The following ATOH8 variants were observed in gnomAD, a reference collection of about 807,000 sequenced individuals.
The protein encoded by ATOH8 is atonal bHLH transcription factor 8.
ATOH8 carries 9 observed loss-of-function variants against 21.2 expected under a neutral mutation model. The observed-to-expected ratio is 0.42, with a 90% CI of 0.26 to 0.74. The LOEUF is 0.74. Among genes scored for constraint, ATOH8 ranks in the 30% least tolerant of loss-of-function variants. ATOH8 has a pLI of 0.24. For missense variants in ATOH8, 524 were observed against 470.9 expected (o/e 1.11, Z -1.04); for synonymous variants, 253 against 224.0 (o/e 1.13, Z -1.16).
At chr2:85,774,339 C>CT in intron 2 of ATOH8, 1 of 985,562 alleles carries the variant, frequency 1.0e-6, no homozygotes, top group Non-Finnish European at 1.2e-6. Flanking sequence ...AGCCCTGCAC[C>CT]TGGCACAGTG....
chr2:85,777,724 G>A (rs35062866), intron 2 of ATOH8, among the ~76,000 whole-genome samples: 1 of 152,322 alleles, frequency 6.6e-6, no homozygotes, highest in Non-Finnish European at 1.5e-5. Context: ...TGTTCTCCTA[G>A]GATGGCGGAG....
chr2:85,774,884 C>T (rs4832013), intron 2 of ATOH8: 444,579 of 910,572 alleles, frequency 0.49, 110,771 homozygotes, highest in Non-Finnish European at 0.5. Context: ...CCACTGTCTG[C>T]CTGGCTAACT....
chr2:85,769,793 C>T (rs1429310747), intron 2 of ATOH8, among the ~76,000 whole-genome samples: 1 of 152,122 alleles, frequency 6.6e-6, no homozygotes, highest in East Asian at 1.9e-4. Flanking sequence ...GGCGGAGTCT[C>T]CAGAGCCGCA....
chr2:85,786,819 CA>C (rs1680632977), intron 2 of ATOH8, 65 bp from the exon 3 acceptor site: 1 of 1,609,188 alleles, frequency 6.2e-7, no homozygotes, highest in Non-Finnish European at 8.5e-7. Flanking sequence ...GGACATTCTG[CA>C]GCTGTCCAGA....
At chr2:85,782,820 C>T (rs1680530712) in intron 2 of ATOH8, among the ~76,000 whole-genome samples, 1 of 152,210 alleles carries the variant, frequency 6.6e-6, no homozygotes, top group Non-Finnish European at 1.5e-5. Flanking sequence ...CTCAGCCTCT[C>T]AAGTAGCTGG....
chr2:85,779,917 G>C (rs1364268328), intron 2 of ATOH8, among the ~76,000 whole-genome samples: 5 of 152,252 alleles, frequency 3.3e-5, no homozygotes, highest in Admixed American at 6.5e-5. Context: ...GGGTGCTCGT[G>C]GTGGAGGTGT....
At chr2:85,774,927 A>T in intron 2 of ATOH8, 3 of 959,422 alleles carry the variant, frequency 3.1e-6, no homozygotes, top group Non-Finnish European at 3.7e-6. Context: ...GCTCCTCCTG[A>T]AAGCCCTCCC....
At position 85,754,663 on chromosome 2, in the gene ATOH8, A is replaced by C. The variant is rs752510499; in HGVS notation, c.474A>C (p.Ala158=). Residue 158 remains alanine, a synonymous_variant, in exon 1 of 3, where the codon GCA becomes GCC. Transcript: ENST00000306279. ...TGCGTCCTCGCATCTTGCTGTGCGCACCGCCCGCGCGCCCCGCGCCGTCAG... is the reference window on the plus strand; with the variant it reads ...TGCGTCCTCGCATCTTGCTGTGCGCCCCGCCCGCGCGCCCCGCGCCGTCAG... The part of the protein sequence containing the change: ...PGLRPRILLC[A]PPARPAPSAP... 2.8e-5 allele frequency: 43 copies of C among 1,539,700 alleles called. No individual in the cohort carries two copies. In the South Asian group the frequency reaches 5.1e-4, roughly 18 times the overall value.
chr2:85,774,694 A>G lies in ATOH8; in HGVS notation c.960+10512A>G, dbSNP rs1023006447. 4.5e-5 allele frequency: 44 copies of G among 985,246 alleles called. No homozygotes were observed. The African/African-American group carries it at 7.0e-4, about 16-fold the overall frequency. 61.0% of individuals were successfully genotyped at this position (985,246 alleles called of 1,614,324 possible). A position where few individuals can be genotyped will look rare whatever the true frequency, so the allele number is the denominator to read the frequency against. On this transcript the variant is annotated intron_variant, in intron 2 of 2. Coordinates refer to ENST00000306279, the MANE Select transcript of ATOH8 (RefSeq NM_032827.7). ...TCCCCTAAGGCCTAGGGGGCTCCCTACAGGCCAAGGGATGAGGCCAGACTC... is the reference window on the plus strand; with the variant it reads ...TCCCCTAAGGCCTAGGGGGCTCCCTGCAGGCCAAGGGATGAGGCCAGACTC...
intron 1 of ATOH8, 52 bp from the exon 2 acceptor site, chr2:85,763,939 C>A: frequency 1.3e-6 from 2 of 1,569,180 alleles, no homozygotes; most frequent in Non-Finnish European, 1.7e-6. Context: ...CCCATGCCTG[C>A]CAGGCTGGGC....
chr2:85,775,215 T>G (rs1432206971), intron 2 of ATOH8: 1 of 985,110 alleles, frequency 1.0e-6, no homozygotes, highest in Non-Finnish European at 1.2e-6. Context: ...CTGGCTAGAC[T>G]GTGAGCCCCT....
intron 1 of ATOH8, among the ~76,000 whole-genome samples, chr2:85,758,154 G>A (rs1279760935): frequency 1.3e-5 from 2 of 152,224 alleles, no homozygotes; most frequent in Non-Finnish European, 2.9e-5. Flanking sequence ...GACAGATGAA[G>A]CAATAAGAAT....
At chr2:85,779,137 G>A (rs572836845) in intron 2 of ATOH8, among the ~76,000 whole-genome samples, 4 of 152,356 alleles carry the variant, frequency 2.6e-5, no homozygotes, top group South Asian at 2.1e-4. Context: ...TCTGCAGTGC[G>A]GCCATGGGCC....
intron 2 of ATOH8, chr2:85,775,078 T>C: frequency 3.1e-6 from 3 of 959,804 alleles, no homozygotes; most frequent in Non-Finnish European, 3.7e-6. Context: ...TGTGATATAT[T>C]AGATTTCATG....
chr2:85,790,180 T>A lies in ATOH8; in HGVS notation c.*3290T>A, dbSNP rs1680731653. On this transcript the variant is annotated 3_prime_UTR_variant, in exon 3 of 3. Transcript: ENST00000306279. ...TTGTGGTCACAGAGTCACCTGTGGA[T>A]GTTTGTAGCACACTCTCCTTGTCTT... Among the ~76,000 whole-genome samples, 1 of 152,170 alleles carries A rather than the reference T, an allele frequency of 6.6e-6. No individual in the cohort carries two copies. Among genetic ancestry groups the A allele is most frequent in the South Asian group, 2.1e-4 (1 of 4,826 alleles).
chr2:85,769,782 A>C (rs1395893355), intron 2 of ATOH8, among the ~76,000 whole-genome samples: 1 of 152,000 alleles, frequency 6.6e-6, no homozygotes, highest in Non-Finnish European at 1.5e-5. Flanking sequence ...GGACTGTGGG[A>C]GGCGGAGTCT....
chr2:85,764,222 T>C (rs1313276668), intron 2 of ATOH8, 40 bp downstream of exon 2: 2 of 1,607,344 alleles, frequency 1.2e-6, no homozygotes, highest in Non-Finnish European at 1.7e-6. Flanking sequence ...CTGGGGAGCA[T>C]AGGGGAGGCA....
At chr2:85,782,542 G>C (rs1680524124) in intron 2 of ATOH8, among the ~76,000 whole-genome samples, 1 of 152,086 alleles carries the variant, frequency 6.6e-6, no homozygotes, top group Non-Finnish European at 1.5e-5. Context: ...CAACTTCCCT[G>C]AAAGTATAGA....
intron 2 of ATOH8, among the ~76,000 whole-genome samples, chr2:85,776,848 G>A (rs35976024): frequency 0.32 from 47,952 of 151,898 alleles, 7,882 homozygotes; most frequent in South Asian, 0.4. Context: ...CTGGAGAGCC[G>A]TGACCGGGCA....
Sources: gnomAD v4.1 joint callset for allele counts (sites outside exome capture counted in the v4.1 genomes callset) on GRCh38, gnomAD v4.1.1 for gene constraint, MANE v1.5 for transcripts, NCBI Gene and HGNC (gene_info 2026-07-23, HGNC 2026-07-21) for gene names.